The following CHST11 variants were observed in gnomAD, a reference collection of about 807,000 sequenced individuals.
The protein encoded by CHST11 is carbohydrate sulfotransferase 11.
Under a neutral mutation model 30.4 loss-of-function variants are expected in CHST11, and 9 were observed. The observed-to-expected ratio is 0.30, with a 90% CI of 0.18 to 0.52. CHST11 has a LOEUF of 0.52. Ranked by LOEUF, CHST11 falls within the 20% of genes least tolerant of loss-of-function variation. The pLI is 0.97. For missense variants in CHST11, 348 were observed against 460.6 expected, an observed-to-expected ratio of 0.76 and a Z score of 2.24; for synonymous variants, 152 against 187.8, an observed-to-expected ratio of 0.81 and a Z score of 1.56.
At chr12:104,755,911 AC>A (rs60022159) in intron 2 of CHST11, among the ~76,000 whole-genome samples, 111,117 of 151,634 alleles carry the variant, frequency 0.73, 41,245 homozygotes, top group African/African-American at 0.85. Context: ...GTTTCTCGGG[AC>A]CCCCCCCTCC....
At chr12:104,686,185 TC>T (rs2136104990) in intron 2 of CHST11, among the ~76,000 whole-genome samples, 1 of 137,100 alleles carries the variant, frequency 7.3e-6, no homozygotes, top group African/African-American at 2.6e-5. Flanking sequence ...TGAACTATGG[TC>T]CCACCACTGC....
intron 1 of CHST11, among the ~76,000 whole-genome samples, chr12:104,502,144 C>T (rs1374736069): frequency 3.3e-5 from 5 of 152,046 alleles, no homozygotes; most frequent in South Asian, 2.1e-4. Context: ...CTTCCTGTCT[C>T]GACCTCCTGA....
intron 1 of CHST11, among the ~76,000 whole-genome samples, chr12:104,536,274 T>C (rs2038236424): frequency 6.6e-6 from 1 of 151,390 alleles, no homozygotes; most frequent in Admixed American, 6.6e-5. Context: ...TTACTTTAAG[T>C]CTGGTGTTTA....
intron 1 of CHST11, among the ~76,000 whole-genome samples, chr12:104,527,278 T>G (rs2038136115): frequency 6.6e-6 from 1 of 152,188 alleles, no homozygotes; most frequent in Admixed American, 6.5e-5. Context: ...ACTTTGTTGT[T>G]TAGGCCACCC....
rs1336613028 is a variant in CHST11 at position 104,757,170 on chromosome 12, G to C, written c.426G>C (p.Gly142=). ...KRLMMVLTGR[G]KYSDPMEIPA... ...TCATGATGGTCCTGACCGGGCGGGG[G>C]AAGTACAGCGACCCCATGGAGATCC... Residue 142 remains glycine, a synonymous_variant, in exon 3 of 3, where the codon GGG becomes GGC. Transcript: ENST00000303694. The surrounding 1 kb of genome is among the most constrained non-coding windows in gnomAD (Gnocchi z 6.5). The C allele has an allele frequency of 6.2e-7, 1 of 1,614,120 alleles. No individual in the cohort carries two copies. The highest frequency in any genetic ancestry group is 8.5e-7 in the Non-Finnish European group (1 of 1,180,024).
At chr12:104,725,931 GC>G (rs2040213225) in intron 2 of CHST11, among the ~76,000 whole-genome samples, 1 of 152,116 alleles carries the variant, frequency 6.6e-6, no homozygotes, top group South Asian at 2.1e-4. Context: ...CTTTTCAGCT[GC>G]TTTGCCTCTG....
chr12:104,556,929 T>C (rs532421586), intron 1 of CHST11, among the ~76,000 whole-genome samples: 1 of 142,800 alleles, frequency 7.0e-6, no homozygotes, highest in South Asian at 2.2e-4. Flanking sequence ...TACAGTGAGC[T>C]AAGATTGCAC....
In CHST11 at chr12:104,464,037, C is replaced by G. The variant is rs997643840; in HGVS notation, c.118+6508C>G. 5.1e-4 allele frequency among the ~76,000 whole-genome samples: 76 copies of G among 149,296 alleles called. 2 individuals are homozygous for G. The highest frequency in any genetic ancestry group is 1.1e-3 in the Admixed American group (17 of 15,034). ...AGGAATAAGGGTGGAAGCAATGTAG[C>G]AAGATTGAAAATGAAGTCTCCTACT... On this transcript the variant is annotated intron_variant, in intron 1 of 2. Transcript: ENST00000303694.
intron 2 of CHST11, among the ~76,000 whole-genome samples, chr12:104,720,773 GA>G (rs372343107): frequency 2.2e-4 from 33 of 149,394 alleles, no homozygotes; most frequent in African/African-American, 7.9e-4. Flanking sequence ...AATCTAATTT[GA>G]AAAAAAAACA....
At chr12:104,731,105 G>A (rs539251091) in intron 2 of CHST11, among the ~76,000 whole-genome samples, 1 of 152,308 alleles carries the variant, frequency 6.6e-6, no homozygotes, top group South Asian at 2.1e-4. Flanking sequence ...GTTTATCTGT[G>A]TGCCTTGACA....
intron 1 of CHST11, among the ~76,000 whole-genome samples, chr12:104,585,338 T>A (rs2038793191): frequency 6.6e-6 from 1 of 152,192 alleles, no homozygotes; most frequent in South Asian, 2.1e-4. Context: ...CCTCTCTGAT[T>A]TGTGAAATAA....
rs150130365 is a variant in CHST11, at chr12:104,525,127, GAC to G, written c.118+67600_118+67601del. On this transcript the variant is annotated intron_variant, in intron 1 of 2. Transcript: ENST00000303694. ...CTTTCTTTTTTTTTTTTTTTTAAGA[GAC>G]AGTCTCAGTTACATAGGCTGGAATG... is the stretch of plus-strand genomic sequence containing the variant. Among the ~76,000 whole-genome samples the G allele has an allele frequency of 7.5e-4, 107 of 142,068 alleles. 2 individuals carry two copies. The East Asian group carries it at 0.02, about 27-fold the overall frequency. 93.2% of individuals were successfully genotyped at this position (142,068 alleles called of 152,430 possible).
At chr12:104,498,887 T>C (rs2037826268) in intron 1 of CHST11, among the ~76,000 whole-genome samples, 1 of 152,184 alleles carries the variant, frequency 6.6e-6, no homozygotes, top group African/African-American at 2.4e-5. Context: ...TGTTTTTGTT[T>C]TATATGCTTT....
At chr12:104,561,460 T>A (rs2038512986) in intron 1 of CHST11, among the ~76,000 whole-genome samples, 1 of 152,214 alleles carries the variant, frequency 6.6e-6, no homozygotes, top group African/African-American at 2.4e-5. Context: ...TTTTAGCTGG[T>A]CTTTATTCTA....
intron 2 of CHST11, among the ~76,000 whole-genome samples, chr12:104,662,851 G>T (rs887419433): frequency 2.0e-5 from 3 of 152,158 alleles, no homozygotes; most frequent in African/African-American, 7.2e-5. Flanking sequence ...TTATTTTAAT[G>T]TTTACAGGTC....
chr12:104,495,127 G>A (rs897820267), intron 1 of CHST11, among the ~76,000 whole-genome samples: 3 of 152,136 alleles, frequency 2.0e-5, no homozygotes, highest in African/African-American at 4.8e-5. Context: ...CTCAGAGTTC[G>A]TCCATGTTGT....
chr12:104,728,353 C>CCCACAGTGTGT (rs1184524960), intron 2 of CHST11, among the ~76,000 whole-genome samples: 7 of 152,192 alleles, frequency 4.6e-5, no homozygotes, highest in Middle Eastern at 3.4e-3. Flanking sequence ...TTTGGATGCG[C>CCCACAGTGTGT]CCACAGTCTG....
At chr12:104,590,013 TTAAATAAA>T (rs111573363) in intron 1 of CHST11, among the ~76,000 whole-genome samples, 2 of 151,140 alleles carry the variant, frequency 1.3e-5, no homozygotes, top group Non-Finnish European at 2.9e-5. Context: ...TGTCTCAAAA[TTAAATAAA>T]TAAATAAATA....
intron 1 of CHST11, among the ~76,000 whole-genome samples, chr12:104,555,103 C>A (rs147098736): frequency 6.6e-6 from 1 of 152,306 alleles, no homozygotes; most frequent in Non-Finnish European, 1.5e-5. Context: ...TTAAGTCCAC[C>A]TCCAAAATGT....
Sources: gnomAD v4.1 joint callset for allele counts (sites outside exome capture counted in the v4.1 genomes callset) on GRCh38, gnomAD v4.1.1 for gene constraint, Gnocchi (gnomAD v3.1) non-coding constraint, MANE v1.5 for transcripts, NCBI Gene and HGNC (gene_info 2026-07-23, HGNC 2026-07-21) for gene names.